The following ANKS1B variants were observed in gnomAD, a reference collection of about 807,000 sequenced individuals.
ANKS1B encodes ankyrin repeat and sterile alpha motif domain containing 1B.
A neutral mutation model predicts 148.3 loss-of-function variants in ANKS1B; 36 were observed. The ratio of observed to expected loss-of-function variants is 0.24; its 90% CI spans 0.19 to 0.32. ANKS1B has a LOEUF of 0.32. Among genes scored for constraint, ANKS1B ranks in the 10% least tolerant of loss-of-function variants. The pLI is 1.00. For synonymous variants in ANKS1B, 542 were observed against 560.8 expected, an observed-to-expected ratio of 0.97 and a Z score of 0.47; for missense variants, 1,157 against 1,542.6, an observed-to-expected ratio of 0.75 and a Z score of 4.19.
chr12:99,385,331 T>C (rs997371860), intron 12 of ANKS1B, among the ~76,000 whole-genome samples: 3 of 152,120 alleles, frequency 2.0e-5, no homozygotes, highest in Admixed American at 6.5e-5. Context: ...CAGCTGGGCG[T>C]GCTGGCACGT....
At chr12:99,176,464 A>T (rs954764730) in intron 14 of ANKS1B, among the ~76,000 whole-genome samples, 4 of 152,148 alleles carry the variant, frequency 2.6e-5, no homozygotes, top group African/African-American at 9.7e-5. Flanking sequence ...GATCACCTTG[A>T]TTCAGAACCA....
At chr12:99,108,709 A>C (rs1310831349) in intron 15 of ANKS1B, among the ~76,000 whole-genome samples, 1 of 152,210 alleles carries the variant, frequency 6.6e-6, no homozygotes, top group Non-Finnish European at 1.5e-5. Flanking sequence ...TTGCCGAGAA[A>C]AAGTATGAAA....
intron 1 of ANKS1B, among the ~76,000 whole-genome samples, chr12:99,971,619 A>AAG (rs1211773903): frequency 6.6e-6 from 1 of 151,960 alleles, no homozygotes; most frequent in East Asian, 1.9e-4. Context: ...AAAAAAAAAA[A>AAG]AGAAAGAAAA....
intron 12 of ANKS1B, among the ~76,000 whole-genome samples, chr12:99,270,225 ATC>A (rs756454847): frequency 1.2e-4 from 18 of 152,032 alleles, no homozygotes; most frequent in Non-Finnish European, 5.9e-5. Flanking sequence ...ATCGGATTTT[ATC>A]TCCTTTTCTA....
chr12:99,133,411 C>G (rs1394999720), intron 15 of ANKS1B, among the ~76,000 whole-genome samples: 4 of 152,076 alleles, frequency 2.6e-5, no homozygotes, highest in Non-Finnish European at 4.4e-5. Flanking sequence ...AGTGTTAACC[C>G]CTTCATAAAA....
At chr12:98,808,937 G>T (rs1450757627) in intron 19 of ANKS1B, among the ~76,000 whole-genome samples, 1 of 152,198 alleles carries the variant, frequency 6.6e-6, no homozygotes, top group Non-Finnish European at 1.5e-5. Context: ...ATATGGTTAA[G>T]AGGCCCGGCA....
At chr12:99,806,744 T>G (rs368979185) in intron 3 of ANKS1B, 44 bp from the exon 4 acceptor site, 2 of 1,559,898 alleles carry the variant, frequency 1.3e-6, no homozygotes, top group South Asian at 2.3e-5. Context: ...AGAAATTCAA[T>G]TTGTTATCAA....
At chr12:99,195,479 A>AG (rs1327577863) in intron 14 of ANKS1B, among the ~76,000 whole-genome samples, 1 of 152,166 alleles carries the variant, frequency 6.6e-6, no homozygotes, top group Admixed American at 6.6e-5. Flanking sequence ...TATTGCAATG[A>AG]GAAAAAAAAA....
chr12:99,464,845 G>A (rs1178903439), intron 10 of ANKS1B, among the ~76,000 whole-genome samples: 1 of 152,196 alleles, frequency 6.6e-6, no homozygotes, highest in Non-Finnish European at 1.5e-5. Flanking sequence ...CGGGGAGAAT[G>A]GAACCAAGTT....
intron 1 of ANKS1B, among the ~76,000 whole-genome samples, chr12:99,978,258 A>T (rs2095652033): frequency 6.6e-6 from 1 of 152,236 alleles, no homozygotes; most frequent in African/African-American, 2.4e-5. Flanking sequence ...TCACACAAGA[A>T]ACTGTGCAAT....
At chr12:98,856,130 C>T (rs1595601743) in intron 17 of ANKS1B, among the ~76,000 whole-genome samples, 1 of 152,226 alleles carries the variant, frequency 6.6e-6, no homozygotes, top group South Asian at 2.1e-4. Context: ...CAATATCTTT[C>T]TGTGAGGTGC....
At chr12:99,671,641 T>C (rs895736337) in intron 8 of ANKS1B, among the ~76,000 whole-genome samples, 8 of 152,128 alleles carry the variant, frequency 5.3e-5, no homozygotes, top group Admixed American at 2.0e-4. Flanking sequence ...TAAGTCATGA[T>C]AAATCATCAA....
chr12:99,482,381 G>A (rs572212702), intron 10 of ANKS1B, among the ~76,000 whole-genome samples: 2 of 151,942 alleles, frequency 1.3e-5, no homozygotes, highest in Admixed American at 1.3e-4. Context: ...TGTTCCATTT[G>A]TCTATGTGCC....
intron 20 of ANKS1B, among the ~76,000 whole-genome samples, chr12:98,803,812 C>T (rs2099026757): frequency 6.6e-6 from 1 of 152,184 alleles, no homozygotes; most frequent in South Asian, 2.1e-4. Context: ...CTAATTGTTC[C>T]ATTAACTCAC....
chr12:98,844,526 C>A (rs1330227962), intron 17 of ANKS1B, among the ~76,000 whole-genome samples: 1 of 152,158 alleles, frequency 6.6e-6, no homozygotes, highest in Non-Finnish European at 1.5e-5. Context: ...ACTTTATTGA[C>A]TTTCTTTTTT....
chr12:99,481,245 C>CT (rs2096405765), intron 10 of ANKS1B, among the ~76,000 whole-genome samples: 1 of 151,686 alleles, frequency 6.6e-6, no homozygotes. Context: ...TGACACATGG[C>CT]TTACCTCCCA....
chr12:99,975,657 T>C (rs1000751923), intron 1 of ANKS1B, among the ~76,000 whole-genome samples: 1 of 152,224 alleles, frequency 6.6e-6, no homozygotes, highest in African/African-American at 2.4e-5. Flanking sequence ...ACTCATTTTT[T>C]AATAGAGTTA....
At chr12:99,876,622 C>T (rs1383638619) in intron 1 of ANKS1B, among the ~76,000 whole-genome samples, 5 of 151,408 alleles carry the variant, frequency 3.3e-5, no homozygotes, top group Admixed American at 6.6e-5. Context: ...CCCAGCTACT[C>T]GGGAGGCTGA....
chr12:99,903,903 A>C (rs1256496373), intron 1 of ANKS1B, among the ~76,000 whole-genome samples: 1 of 152,170 alleles, frequency 6.6e-6, no homozygotes, highest in East Asian at 1.9e-4. Flanking sequence ...AAAAATAAAA[A>C]AAAATAAAAA....
Sources: allele counts gnomAD v4.1 joint callset (sites outside exome capture counted in the v4.1 genomes callset), GRCh38; gene constraint gnomAD v4.1.1; transcripts MANE v1.5; gene names NCBI Gene and HGNC (gene_info 2026-07-23, HGNC 2026-07-21).